HIVEP3: variants seen among roughly 807,000 people sequenced by gnomAD.
The protein encoded by HIVEP3 is HIVEP zinc finger 3, also known as transcription factor HIVEP3.
A neutral mutation model predicts 152.8 loss-of-function variants in HIVEP3; 49 were observed. The ratio of observed to expected loss-of-function variants is 0.32; its 90% CI spans 0.26 to 0.41. The LOEUF (loss-of-function observed/expected upper bound fraction) is 0.41. Among genes scored for constraint, HIVEP3 ranks in the 10% least tolerant of loss-of-function variants. The pLI, the probability that HIVEP3 is intolerant of heterozygous loss-of-function variation, is 1.00. For missense variants in HIVEP3, 2,790 were observed against 3,103.3 expected (o/e 0.90, Z 2.40); for synonymous variants, 1,269 against 1,289.0 (o/e 0.98, Z 0.33).
At chr1:41,823,277 G>C (rs1002438609) in intron 1 of HIVEP3, among the ~76,000 whole-genome samples, 2 of 152,226 alleles carry the variant, frequency 1.3e-5, no homozygotes, top group African/African-American at 2.4e-5. Flanking sequence ...GCAGTCTGTG[G>C]CATGCTGTTA....
chr1:41,729,056 T>TG (rs1646800050), intron 1 of HIVEP3, among the ~76,000 whole-genome samples: 2 of 152,154 alleles, frequency 1.3e-5, no homozygotes, highest in African/African-American at 4.8e-5. Flanking sequence ...CAGGCTGCCT[T>TG]GGCCACGTGC....
chr1:41,943,516 C>T (rs1461946012), intron 1 of HIVEP3, among the ~76,000 whole-genome samples: 1 of 152,216 alleles, frequency 6.6e-6, no homozygotes, highest in African/African-American at 2.4e-5. Flanking sequence ...TCTCTTTAGT[C>T]TGCCCAGCCA....
At chr1:41,538,970 C>T (rs1643465584) in intron 5 of HIVEP3, among the ~76,000 whole-genome samples, 1 of 152,134 alleles carries the variant, frequency 6.6e-6, no homozygotes, top group Admixed American at 6.5e-5. Flanking sequence ...GGCCCTGGGT[C>T]CTCCTCCCCC....
At chr1:41,744,103 G>A (rs1017686289) in intron 1 of HIVEP3, among the ~76,000 whole-genome samples, 3 of 151,758 alleles carry the variant, frequency 2.0e-5, no homozygotes, top group Non-Finnish European at 4.4e-5. Context: ...GCAGTGATGC[G>A]ATCTTGACTC....
At chr1:41,825,390 C>A (rs1377336894) in intron 1 of HIVEP3, among the ~76,000 whole-genome samples, 2 of 151,932 alleles carry the variant, frequency 1.3e-5, no homozygotes, top group Non-Finnish European at 2.9e-5. Context: ...CATGGTAGGG[C>A]CAGCTTAGAG....
intron 1 of HIVEP3, among the ~76,000 whole-genome samples, chr1:41,861,619 C>G (rs1643888471): frequency 6.6e-6 from 1 of 152,138 alleles, no homozygotes; most frequent in Non-Finnish European, 1.5e-5. Flanking sequence ...GCTCTGCATC[C>G]TGCACATGCT....
chr1:41,879,453 G>T (rs1644226916), intron 1 of HIVEP3, among the ~76,000 whole-genome samples: 1 of 152,188 alleles, frequency 6.6e-6, no homozygotes, highest in Admixed American at 6.5e-5. Flanking sequence ...ATTTGGTTTT[G>T]AATGACCTTC....
At chr1:41,609,293 G>A (rs983939301) in intron 3 of HIVEP3, among the ~76,000 whole-genome samples, 3 of 152,204 alleles carry the variant, frequency 2.0e-5, no homozygotes, top group Non-Finnish European at 4.4e-5. Flanking sequence ...TGATGTTCCT[G>A]AACCTGGGCC....
chr1:41,525,011 C>G, intron 5 of HIVEP3, 101 bp from the exon 6 acceptor site: 1 of 1,139,598 alleles, frequency 8.8e-7, no homozygotes, highest in Non-Finnish European at 1.3e-6. Context: ...CAGCCCGTTA[C>G]AGACGCAAGG....
chr1:41,618,306 C>G (rs1644998567), intron 3 of HIVEP3, among the ~76,000 whole-genome samples: 1 of 152,236 alleles, frequency 6.6e-6, no homozygotes, highest in Non-Finnish European at 1.5e-5. Context: ...AGGAGGTTAA[C>G]TCTCCCCAGG....
chr1:41,704,671 T>G (rs1646408887), intron 1 of HIVEP3, among the ~76,000 whole-genome samples: 1 of 152,246 alleles, frequency 6.6e-6, no homozygotes, highest in African/African-American at 2.4e-5. Flanking sequence ...GGCACTTGAA[T>G]CTTGCCACAT....
At chr1:41,868,187 G>T (rs783434) in intron 1 of HIVEP3, among the ~76,000 whole-genome samples, 116,326 of 148,806 alleles carry the variant, frequency 0.78, 45,818 homozygotes, top group East Asian at 1. Context: ...TTATATAATA[G>T]TTTGTGGGGG....
chr1:41,513,790 C>A (rs760051634), intron 7 of HIVEP3, 40 bp from the exon 8 acceptor site: 1 of 1,476,058 alleles, frequency 6.8e-7, no homozygotes, highest in Non-Finnish European at 9.1e-7. Flanking sequence ...ACAGTTGGGC[C>A]TTGGCCCCAC....
At chr1:41,644,555 C>T (rs1366088988) in intron 2 of HIVEP3, among the ~76,000 whole-genome samples, 1 of 152,208 alleles carries the variant, frequency 6.6e-6, no homozygotes, top group Non-Finnish European at 1.5e-5. Context: ...TTCTCTGCTG[C>T]TCCTGAAAGC....
chr1:41,541,297 T>A (rs1194992013), intron 5 of HIVEP3, among the ~76,000 whole-genome samples: 1 of 152,214 alleles, frequency 6.6e-6, no homozygotes, highest in African/African-American at 2.4e-5. Context: ...ATTTCTCTAA[T>A]CCACTCTATG....
chr1:41,931,774 T>C (rs1644996925), intron 1 of HIVEP3, among the ~76,000 whole-genome samples: 1 of 152,078 alleles, frequency 6.6e-6, no homozygotes, highest in South Asian at 2.1e-4. Context: ...ATATGTTCAT[T>C]GCTAGCATGA....
intron 2 of HIVEP3, among the ~76,000 whole-genome samples, chr1:41,672,706 C>A (rs1570279093): frequency 6.6e-6 from 1 of 152,288 alleles, no homozygotes; most frequent in South Asian, 2.1e-4. Context: ...GTTCCCCCAG[C>A]CTTGAGGGCA....
chr1:41,637,250 T>C (rs1645288980), intron 2 of HIVEP3, among the ~76,000 whole-genome samples: 1 of 152,202 alleles, frequency 6.6e-6, no homozygotes, highest in Non-Finnish European at 1.5e-5. Context: ...GCAGCCTTAA[T>C]GACCATCAGC....
chr1:41,575,371 C>G (rs1028758910), intron 5 of HIVEP3, among the ~76,000 whole-genome samples, 173 bp downstream of exon 5: 17 of 152,296 alleles, frequency 1.1e-4, no homozygotes, highest in African/African-American at 4.1e-4. Context: ...CATTCTTAAA[C>G]AGAGGGGCCT....
Sources: gnomAD v4.1 joint callset for allele counts (sites outside exome capture counted in the v4.1 genomes callset) on GRCh38, gnomAD v4.1.1 for gene constraint, MANE v1.5 for transcripts, NCBI Gene and HGNC (gene_info 2026-07-23, HGNC 2026-07-21) for gene names.